Variants in MMP26 observed in about 807,000 individuals in gnomAD.
MMP26 encodes matrix metallopeptidase 26.
A neutral mutation model predicts 31.0 loss-of-function variants in MMP26; 33 were observed. That is an observed-to-expected ratio of 1.06 (90% CI 0.81 to 1.42). The LOEUF (loss-of-function observed/expected upper bound fraction) is 1.42. Ranked by LOEUF, MMP26 falls within the 40% of genes most tolerant of loss-of-function variation. MMP26 has a pLI of 0.00. For synonymous variants in MMP26, 122 were observed against 114.9 expected (o/e 1.06, Z -0.40); for missense variants, 347 against 316.1 (o/e 1.10, Z -0.74).
chr11:4,790,035 C>T (rs1849002468), intron 2 of MMP26, among the ~76,000 whole-genome samples: 1 of 151,950 alleles, frequency 6.6e-6, no homozygotes, highest in South Asian at 2.1e-4. Flanking sequence ...AATTATAATA[C>T]ACAACTATAT....
At chr11:4,827,215 T>C (rs183865249) in intron 2 of MMP26, among the ~76,000 whole-genome samples, 2 of 152,206 alleles carry the variant, frequency 1.3e-5, no homozygotes, top group African/African-American at 4.8e-5. Context: ...CAGGGTCAAC[T>C]GATGTTCTAT....
At chr11:4,841,047 T>G (rs1367123520) in intron 2 of MMP26, among the ~76,000 whole-genome samples, 1 of 152,094 alleles carries the variant, frequency 6.6e-6, no homozygotes, top group Non-Finnish European at 1.5e-5. Flanking sequence ...AGTCCTTTAA[T>G]CACAGAATTA....
intron 2 of MMP26, chr11:4,915,365 T>C (rs758657220): frequency 4.3e-6 from 7 of 1,613,922 alleles, no homozygotes; most frequent in Non-Finnish European, 5.9e-6. Flanking sequence ...AAAGCAGGCA[T>C]CATGGCTAAT....
chr11:4,753,561 A>G (rs904443652), intron 1 of MMP26, among the ~76,000 whole-genome samples: 10 of 152,082 alleles, frequency 6.6e-5, no homozygotes, highest in Admixed American at 5.3e-4. Context: ...TGCATTTGTC[A>G]CTTGATTTTC....
At chr11:4,706,785 A>G (rs1847786620) in intron 1 of MMP26, among the ~76,000 whole-genome samples, 1 of 152,058 alleles carries the variant, frequency 6.6e-6, no homozygotes, top group Admixed American at 6.6e-5. Context: ...CCCTCTCCCT[A>G]GTCTGTTGCA....
intron 2 of MMP26, among the ~76,000 whole-genome samples, chr11:4,921,733 AT>A (rs1851187417): frequency 6.6e-6 from 1 of 152,256 alleles, no homozygotes; most frequent in Non-Finnish European, 1.5e-5. Flanking sequence ...ATTTAAAGTT[AT>A]GCAAAAGCGG....
At position 4,736,484 on chromosome 11, in the gene MMP26, A is replaced by T. The variant is rs189364681; in HGVS notation, c.-216-30786A>T. On this transcript the variant is annotated intron_variant, in intron 1 of 7. Coordinates refer to ENST00000380390, the MANE Select transcript of MMP26 (RefSeq NM_021801.5). Reference sequence around the variant, plus strand: ...TAAAGATGGAGTCCACTCCTGCAGTAACTATGAGGGCAGTGAGTCCTAAAA... The same window carrying T: ...TAAAGATGGAGTCCACTCCTGCAGTTACTATGAGGGCAGTGAGTCCTAAAA... 4.6e-5 allele frequency: 7 copies of T among 152,406 alleles called. No individual in the cohort carries two copies. The East Asian group carries it at 1.3e-3, about 29-fold the overall frequency. 9.4% of individuals were successfully genotyped at this position (152,406 alleles called of 1,614,324 possible). A position where few individuals can be genotyped will look rare whatever the true frequency, so the allele number is the denominator to read the frequency against.
At chr11:4,963,902 T>C (rs1846555060) in intron 2 of MMP26, among the ~76,000 whole-genome samples, 1 of 152,170 alleles carries the variant, frequency 6.6e-6, no homozygotes, top group African/African-American at 2.4e-5. Context: ...GTTGGCTGCT[T>C]GTATGTCTTC....
intron 2 of MMP26, chr11:4,877,533 C>T (rs1417668558): frequency 6.6e-6 from 1 of 152,150 alleles, no homozygotes; most frequent in East Asian, 1.9e-4. Flanking sequence ...CAAGTAAATG[C>T]AATCAAGTTA....
intron 2 of MMP26, among the ~76,000 whole-genome samples, chr11:4,859,260 T>G (rs1850106531): frequency 6.6e-6 from 1 of 151,992 alleles, no homozygotes; most frequent in Non-Finnish European, 1.5e-5. Flanking sequence ...CACAGCAAAA[T>G]GATAACCAAG....
At chr11:4,824,010 G>A (rs1183231872) in intron 2 of MMP26, among the ~76,000 whole-genome samples, 2 of 152,166 alleles carry the variant, frequency 1.3e-5, no homozygotes, top group African/African-American at 4.8e-5. Flanking sequence ...TCCTTAAAGA[G>A]TTGGGTATTC....
In MMP26 at chr11:4,924,383, A is replaced by C. The variant is rs1429730251; in HGVS notation, c.-144-63685A>C. ...TCAGAAACCTGGAATATAGAATGAG[A>C]TTCCTGGAAAGTGACAAGGCTGAAT... is the stretch of plus-strand genomic sequence containing the variant. On this transcript the variant is annotated intron_variant, in intron 2 of 7. Transcript: ENST00000380390. 2.0e-6 allele frequency: 3 copies of C among 1,537,630 alleles called. No individual in the cohort carries two copies. The African/African-American group carries it at 4.2e-5, about 21-fold the overall frequency.
intron 2 of MMP26, among the ~76,000 whole-genome samples, chr11:4,936,205 C>T (rs1360977631): frequency 6.7e-6 from 1 of 148,580 alleles, no homozygotes; most frequent in African/African-American, 2.5e-5. Flanking sequence ...TCCATCTGGT[C>T]CTGGACTCTT....
intron 2 of MMP26, chr11:4,859,756 T>C (rs1235705874): frequency 2.1e-6 from 1 of 471,270 alleles, no homozygotes; most frequent in Middle Eastern, 3.2e-4. Context: ...TGGTGATAAA[T>C]GCTCCCAAAA....
intron 2 of MMP26, among the ~76,000 whole-genome samples, chr11:4,917,371 G>A (rs190667774): frequency 6.6e-6 from 1 of 152,198 alleles, no homozygotes; most frequent in East Asian, 1.9e-4. Context: ...TAGACTTCAG[G>A]ATATAAACAA....
chr11:4,901,032 C>A (rs1225923980), intron 2 of MMP26, among the ~76,000 whole-genome samples: 5 of 152,152 alleles, frequency 3.3e-5, no homozygotes, highest in African/African-American at 4.8e-5. Context: ...GCTTTCATCC[C>A]CCACCAGCTG....
chr11:4,983,266 T>C (rs1846840848), intron 2 of MMP26, among the ~76,000 whole-genome samples: 1 of 152,206 alleles, frequency 6.6e-6, no homozygotes. Flanking sequence ...TCTTATCTCA[T>C]TACCCTCTAT....
intron 2 of MMP26, among the ~76,000 whole-genome samples, chr11:4,987,831 TCTGA>T (rs1181993994): frequency 3.3e-5 from 5 of 152,196 alleles, no homozygotes; most frequent in East Asian, 1.9e-4. Context: ...ATTGAATGTC[TCTGA>T]CTGGTAATTA....
intron 2 of MMP26, among the ~76,000 whole-genome samples, chr11:4,872,016 T>C (rs960773857): frequency 1.3e-5 from 2 of 152,072 alleles, no homozygotes; most frequent in Admixed American, 1.3e-4. Flanking sequence ...ATTTAAGCTT[T>C]AGTTTTGGGA....
Sources: gnomAD v4.1 joint callset for allele counts (sites outside exome capture counted in the v4.1 genomes callset) on GRCh38, gnomAD v4.1.1 for gene constraint, MANE v1.5 for transcripts, NCBI Gene and HGNC (gene_info 2026-07-23, HGNC 2026-07-21) for gene names.